FADS1: variants seen among roughly 807,000 people sequenced by gnomAD.
The protein encoded by FADS1 is acyl-CoA (8-3)-desaturase.
A neutral mutation model predicts 61.6 loss-of-function variants in FADS1; 17 were observed. That is an observed-to-expected ratio of 0.28 (90% CI 0.19 to 0.41). The LOEUF (loss-of-function observed/expected upper bound fraction) is 0.41, where lower values mean the gene tolerates loss of function less well. FADS1 is among the 10% of genes least tolerant of loss of function. The pLI is 1.00. For missense variants in FADS1, 387 were observed against 650.9 expected (o/e 0.59, Z 4.41); for synonymous variants, 238 against 258.7 (o/e 0.92, Z 0.77).
In FADS1 at chr11:61,803,546, A is replaced by G. The variant is rs2066872293; in HGVS notation, c.1152-87T>C. The G allele has an allele frequency of 1.4e-6, 2 of 1,401,520 alleles. No homozygotes were observed. Among genetic ancestry groups the G allele is most frequent in the Non-Finnish European group, 2.0e-6 (2 of 986,644 alleles). The allele number at this position is 1,401,520 out of a possible 1,614,324, so 86.8% of individuals were successfully genotyped here. ...CTCAGATAACTGCTCCAGCCTGTCTACTTTCCCAAGCCAACTCCTGAAACA... is the reference window on the plus strand; with the variant it reads ...CTCAGATAACTGCTCCAGCCTGTCTGCTTTCCCAAGCCAACTCCTGAAACA... On this transcript the variant is annotated intron_variant, in intron 8 of 11. Coordinates refer to ENST00000350997, the MANE Select transcript of FADS1 (RefSeq NM_013402.7). The surrounding 1 kb of genome is among the most constrained non-coding windows in gnomAD (Gnocchi z 4.3).
rs942782114 is a variant in FADS1 at position 61,802,365 on chromosome 11, C to G, written c.*46G>C. 1.3e-6 allele frequency: 2 copies of G among 1,521,924 alleles called. 1 individual carries two copies. The highest frequency in any genetic ancestry group is 2.4e-5 in the South Asian group (2 of 83,614). 94.3% of individuals were successfully genotyped at this position (1,521,924 alleles called of 1,614,324 possible). A position where few individuals can be genotyped will look rare whatever the true frequency, so the allele number is the denominator to read the frequency against. On this transcript the variant is annotated 3_prime_UTR_variant, in exon 12 of 12. Transcript: ENST00000350997. This position sits in a 1 kb window ranked among gnomAD's most constrained non-coding sequence, Gnocchi z 4.2. ...CCTCAAGCTCCCCTCTGCCTTGGCT[C>G]CAGAGTCTTCCTCCTCTTCTTCCAG... is the stretch of plus-strand genomic sequence containing the variant.
chr11:61,816,568 C>A lies in FADS1; in HGVS notation c.362G>T (p.Gly121Val). Reference protein sequence around the residue: ...GGSRVISHYAGQDATDPFVAF... With the variant: ...GGSRVISHYAVQDATDPFVAF... ...GGCTGCGCTCACCGTGGCATCCTGC[C>A]CGGCGTAGTGGCTGATGACCCGGGA... The change falls in exon 1 of 12, where the codon GGG becomes GTG. Residue 121 changes from glycine (G) to valine (V), a missense_variant. By Grantham distance (109) the Gly-to-Val change is moderately radical. This residue lies in a region of FADS1 where 257 missense variants were observed against 533.3 expected (regional missense o/e 0.48). Transcript: ENST00000350997. The surrounding 1 kb of genome is among the most constrained non-coding windows in gnomAD (Gnocchi z 7.0). 1 of 1,607,142 alleles carries A rather than the reference C, an allele frequency of 6.2e-7. No individual in the cohort carries two copies. Among genetic ancestry groups the A allele is most frequent in the South Asian group, 1.1e-5 (1 of 90,074 alleles).
At chr11:61,807,130 C>T (rs184411463) in intron 5 of FADS1, among the ~76,000 whole-genome samples, 186 of 152,304 alleles carry the variant, frequency 1.2e-3, no homozygotes, top group African/African-American at 4.0e-3. Context: ...TGCAATGGCA[C>T]GATCTTGGCT....
chr11:61,806,685 G>C lies in FADS1; in HGVS notation c.955C>G (p.Gln319Glu), dbSNP rs2066897100. Residue 319 changes from glutamine to glutamate, a missense_variant, in exon 6 of 12, where the codon CAG (glutamine) becomes GAG (glutamate). Physicochemically the swap from Gln to Glu is conservative, Grantham distance 29. Coordinates refer to ENST00000350997, the MANE Select transcript of FADS1 (RefSeq NM_013402.7). ...QKKKYMPYNHQHKYFFLIGPP... is the reference protein window; with the variant it reads ...QKKKYMPYNHEHKYFFLIGPP... Reference sequence around the variant, plus strand: ...TCACTTAGGAAGAAGTATTTGTGCTGGTGGTTGTACGGCATATATTTTTTC... The same window carrying C: ...TCACTTAGGAAGAAGTATTTGTGCTCGTGGTTGTACGGCATATATTTTTTC... 1.2e-6 allele frequency: 2 copies of C among 1,613,996 alleles called. No homozygotes were observed.
At position 61,815,207 on chromosome 11, in the gene FADS1, C is replaced by G. The variant is rs915177576; in HGVS notation, c.375+1348G>C. On this transcript the variant is annotated intron_variant, in intron 1 of 11. Transcript: ENST00000350997. This position sits in a 1 kb window ranked among gnomAD's most constrained non-coding sequence, Gnocchi z 6.4. ...CCGGCGGCCGGTGGCACCACACATA[C>G]GGACCAATCGCCGTCCCCGCCGCGG... is the stretch of plus-strand genomic sequence containing the variant. The G allele has an allele frequency of 1.0e-4, 17 of 165,694 alleles. 1 individual carries two copies. The Middle Eastern group carries it at 9.1e-3, about 89-fold the overall frequency. The allele number at this position is 165,694 out of a possible 1,614,324, so 10.3% of individuals were successfully genotyped here. A position where few individuals can be genotyped will look rare whatever the true frequency, so the allele number is the denominator to read the frequency against.
rs1289461988 is a variant in FADS1, at chr11:61,816,317, G to T, written c.375+238C>A. ...GGCAGGGAGGCGGGACCCTTTGTTT[G>T]TGTGTGCGTGTTGTTGGCCTCCATC... On this transcript the variant is annotated intron_variant, in intron 1 of 11. Transcript: ENST00000350997. The surrounding 1 kb of genome is among the most constrained non-coding windows in gnomAD (Gnocchi z 7.0). 6.3e-7 allele frequency: 1 copy of T among 1,598,372 alleles called. No homozygotes were observed. The highest frequency in any genetic ancestry group is 2.2e-5 in the East Asian group (1 of 44,872).
chr11:61,814,161 A>C (rs2066953443), intron 1 of FADS1: 2 of 152,516 alleles, frequency 1.3e-5, no homozygotes, highest in Admixed American at 1.3e-4. Flanking sequence ...TCATGGCTTC[A>C]TTCTTGACGT....
chr11:61,816,481 G>A lies in FADS1; in HGVS notation c.375+74C>T. 6.2e-7 allele frequency: 1 copy of A among 1,601,394 alleles called. No individual in the cohort carries two copies. Among genetic ancestry groups the A allele is most frequent in the Non-Finnish European group, 8.5e-7 (1 of 1,178,962 alleles). On this transcript the variant is annotated intron_variant, in intron 1 of 11. Coordinates refer to ENST00000350997, the MANE Select transcript of FADS1 (RefSeq NM_013402.7). This position sits in a 1 kb window ranked among gnomAD's most constrained non-coding sequence, Gnocchi z 7.0. ...CGAATTAGTCGGTGTTTGGCTCGGA[G>A]TGCGTAACTCTGTCTCCCCTGCACT...
In FADS1 at chr11:61,816,891, G is replaced by A; in HGVS notation, c.39C>T (p.Cys13=). 2 of 1,455,782 alleles carry A rather than the reference G, an allele frequency of 1.4e-6. No homozygotes were observed. The highest frequency in any genetic ancestry group is 9.0e-7 in the Non-Finnish European group (1 of 1,115,068). The allele number at this position is 1,455,782 out of a possible 1,614,324, so 90.2% of individuals were successfully genotyped here. The stretch of plus-strand genomic sequence containing the variant: ...GCCTGCGCGCCGGGTTTTCAGCACC[G>A]CAGGGCAGACCGGCGGGCCTCGCAG... ...TRAARPAGLP[C]GAENPARRRL... Residue 13 remains cysteine (C), a synonymous_variant, in exon 1 of 12, where the codon TGC becomes TGT. Coordinates refer to ENST00000350997, the MANE Select transcript of FADS1 (RefSeq NM_013402.7). The surrounding 1 kb of genome is among the most constrained non-coding windows in gnomAD (Gnocchi z 7.0).
Position 61,816,186 on chromosome 11 carries a change from C to A in FADS1, c.375+369G>T. The A allele has an allele frequency of 1.4e-6, 2 of 1,436,164 alleles. No individual in the cohort carries two copies. The highest frequency in any genetic ancestry group is 1.9e-6 in the Non-Finnish European group (2 of 1,059,332). 89.0% of individuals were successfully genotyped at this position (1,436,164 alleles called of 1,614,324 possible). ...CCTCCCCTGGCCACTGACCCCCTCC[C>A]TCCCCAGGCGGCCTGCATCCTTGCT... is the stretch of plus-strand genomic sequence containing the variant. On this transcript the variant is annotated intron_variant, in intron 1 of 11. Transcript: ENST00000350997. This position sits in a 1 kb window ranked among gnomAD's most constrained non-coding sequence, Gnocchi z 7.0.
intron 1 of FADS1, chr11:61,814,743 A>C (rs1201008270): frequency 6.6e-6 from 1 of 152,220 alleles, no homozygotes; most frequent in African/African-American, 2.4e-5. Context: ...AGCTAGCTAC[A>C]GAGCGCCAAT....
Position 61,812,576 on chromosome 11 carries a change from C to T in FADS1, c.579G>A (p.Leu193=). Residue 193 remains leucine (L), a synonymous_variant, in exon 3 of 12, where the codon CTG becomes CTA. Transcript: ENST00000350997. Reference sequence around the variant, plus strand: ...CACCATCCAGCAGCAAGATGTGCAGCAGGTACAGCAGGAAGAAGACATGGT... The same window carrying T: ...CACCATCCAGCAGCAAGATGTGCAGTAGGTACAGCAGGAAGAAGACATGGT... The part of the protein sequence containing the change: ...KANHVFFLLY[L]LHILLLDGAA... 1 of 1,614,144 alleles carries T rather than the reference C, an allele frequency of 6.2e-7. No homozygotes were observed. The highest frequency in any genetic ancestry group is 8.5e-7 in the Non-Finnish European group (1 of 1,180,020).
intron 5 of FADS1, among the ~76,000 whole-genome samples, chr11:61,809,986 G>A (rs145749243): frequency 3.9e-5 from 6 of 152,220 alleles, no homozygotes; most frequent in South Asian, 2.1e-4. Context: ...TTAATTCCTC[G>A]CAAGCTGAAA....
Position 61,799,831 on chromosome 11 carries a change from A to G in FADS1, c.*2580T>C, listed in dbSNP as rs2066842588. 6.5e-6 allele frequency: 1 copy of G among 152,820 alleles called. No homozygotes were observed. Among genetic ancestry groups the G allele is most frequent in the Non-Finnish European group, 1.5e-5 (1 of 68,042 alleles). 9.5% of individuals were successfully genotyped at this position (152,820 alleles called of 1,614,324 possible). ...TCATGCTGCCATGATCTACTTGACC[A>G]GAGGCAGCTTTTCCTCTCTAAGCCT... On this transcript the variant is annotated 3_prime_UTR_variant, in exon 12 of 12. Transcript: ENST00000350997.
rs780633289 is a variant in FADS1 at position 61,816,539 on chromosome 11, G to A, written c.375+16C>T. Reference sequence around the variant, plus strand: ...CGGTCCCGCCCTCTCCTGTGCCCCCGCCTGGCTGCGCTCACCGTGGCATCC... The same window carrying A: ...CGGTCCCGCCCTCTCCTGTGCCCCCACCTGGCTGCGCTCACCGTGGCATCC... On this transcript the variant is annotated intron_variant, in intron 1 of 11. Coordinates refer to ENST00000350997, the MANE Select transcript of FADS1 (RefSeq NM_013402.7). This position sits in a 1 kb window ranked among gnomAD's most constrained non-coding sequence, Gnocchi z 7.0. 1.0e-5 allele frequency: 16 copies of A among 1,597,968 alleles called. No homozygotes were observed. Among genetic ancestry groups the A allele is most frequent in the Non-Finnish European group, 1.2e-5 (14 of 1,173,716 alleles).
chr11:61,810,561 T>C (rs1299553855), intron 5 of FADS1, among the ~76,000 whole-genome samples, 190 bp downstream of exon 5: 1 of 152,160 alleles, frequency 6.6e-6, no homozygotes, highest in East Asian at 1.9e-4. Flanking sequence ...CTAGGGAGGA[T>C]GGTGACTCCC....
Position 61,802,849 on chromosome 11 carries a change from A to G in FADS1, c.1406T>C (p.Ile469Thr). ...CAGCAGGGGCTTGGACTGGTACTCT[A>G]TGCCATGCTTGGCACACAAGGACTG... ...LVQSLCAKHG[I>T]EYQSKPLLSA... is the part of the protein sequence containing the mutation. Residue 469 changes from isoleucine to threonine, a missense_variant, in exon 11 of 12, where the codon ATA (isoleucine) becomes ACA (threonine). Physicochemically the swap from Ile to Thr is moderately conservative, Grantham distance 89. Around this residue, in one of 2 missense-constraint regions of FADS1, gnomAD observed 257 missense variants for 533.3 expected, o/e 0.48. Transcript: ENST00000350997. The surrounding 1 kb of genome is among the most constrained non-coding windows in gnomAD (Gnocchi z 4.2). 2 of 1,614,162 alleles carry G rather than the reference A, an allele frequency of 1.2e-6. No homozygotes were observed. Among genetic ancestry groups the G allele is most frequent in the East Asian group, 2.2e-5 (1 of 44,890 alleles).
chr11:61,807,290 A>G (rs1017538963), intron 5 of FADS1, among the ~76,000 whole-genome samples: 1 of 151,256 alleles, frequency 6.6e-6, no homozygotes, highest in African/African-American at 2.4e-5. Context: ...CTGGTCTTGA[A>G]CTCCCAACCT....
At chr11:61,810,217 C>A (rs567132694) in intron 5 of FADS1, among the ~76,000 whole-genome samples, 8 of 152,320 alleles carry the variant, frequency 5.3e-5, no homozygotes, top group African/African-American at 1.9e-4. Flanking sequence ...AAACCCAACG[C>A]TGACCACCCA....
Sources: allele counts gnomAD v4.1 joint callset (sites outside exome capture counted in the v4.1 genomes callset), GRCh38; gene constraint gnomAD v4.1.1; regional missense constraint gnomAD v4.1.1; non-coding constraint Gnocchi (gnomAD v3.1); transcripts MANE v1.5; gene names NCBI Gene and HGNC (gene_info 2026-07-23, HGNC 2026-07-21).